MACF1: variants seen among roughly 807,000 people sequenced by gnomAD.
The protein encoded by MACF1 is microtubule actin crosslinking factor 1.
In MACF1, 193 loss-of-function variants were observed where a neutral mutation model predicts 854.8. The observed-to-expected ratio is 0.23, with a 90% CI of 0.20 to 0.25. The LOEUF (loss-of-function observed/expected upper bound fraction) is 0.25, where lower values mean the gene tolerates loss of function less well. Among genes scored for constraint, MACF1 ranks in the 10% least tolerant of loss-of-function variants. The probability of loss-of-function intolerance (pLI) is 1.00; values close to 1 mark genes in which losing one functional copy is unlikely to be tolerated. For missense variants in MACF1, 7,722 were observed against 8,929.1 expected, an observed-to-expected ratio of 0.86 and a Z score of 5.45; for synonymous variants, 3,185 against 3,226.7, an observed-to-expected ratio of 0.99 and a Z score of 0.44.
chr1:39,485,838 C>T lies in MACF1; in HGVS notation c.*44C>T, dbSNP rs190039408. The T allele has an allele frequency of 1.9e-4, 285 of 1,521,588 alleles. No homozygotes were observed. The African/African-American group carries it at 3.0e-3, about 16-fold the overall frequency. The allele number at this position is 1,521,588 out of a possible 1,614,324, so 94.3% of individuals were successfully genotyped here. On this transcript the variant is annotated 3_prime_UTR_variant, in exon 101 of 101. Coordinates refer to ENST00000564288, the MANE Select transcript of MACF1 (RefSeq NM_001394062.1). ...AAGCCACTATCCACTTTGAATCCTG[C>T]TCCATACATTGGGTGTATATTTATT...
chr1:39,256,892 G>GAAA (rs1251607615), intron 5 of MACF1, among the ~76,000 whole-genome samples: 1 of 91,122 alleles, frequency 1.1e-5, no homozygotes, highest in Non-Finnish European at 2.3e-5. Flanking sequence ...AGAACCTTAA[G>GAAA]AAAAAAAAAA....
rs778742542 is a variant in MACF1, at chr1:39,447,785, G to A, written c.19855G>A (p.Val6619Ile). The change falls in exon 82 of 101, where the codon GTT (valine) becomes ATT (isoleucine). Residue 6619 changes from valine (V) to isoleucine (I), a missense_variant. Physicochemically the swap from Val to Ile is conservative, Grantham distance 29. Around this residue, in one of 15 missense-constraint regions of MACF1, gnomAD observed 729 missense variants for 900.5 expected, o/e 0.81. Transcript: ENST00000564288. Reference sequence around the variant, plus strand: ...AAAGTTCCTTAGCCAAAAGCAGGATGTTGTTCTGATCAAGAATTTGTTGGT... The same window carrying A: ...AAAGTTCCTTAGCCAAAAGCAGGATATTGTTCTGATCAAGAATTTGTTGGT... ...QLKFLSQKQD[V>I]VLIKNLLVSV... is the part of the protein sequence containing the mutation. 1 of 1,614,084 alleles carries A rather than the reference G, an allele frequency of 6.2e-7. No homozygotes were observed. The highest frequency in any genetic ancestry group is 8.5e-7 in the Non-Finnish European group (1 of 1,180,014).
chr1:39,422,452 A>C lies in MACF1; in HGVS notation c.15895A>C (p.Ser5299Arg), dbSNP rs774845983. 7.4e-6 allele frequency: 12 copies of C among 1,614,024 alleles called. No individual in the cohort carries two copies. In the Admixed American group the frequency reaches 1.7e-4, roughly 22 times the overall value. Residue 5299 changes from serine to arginine, a missense_variant, in exon 59 of 101, where the codon AGT becomes CGT. Physicochemically the swap from Ser to Arg is moderately radical, Grantham distance 110. This residue lies in a region of MACF1 where 2,807 missense variants were observed against 3,235.8 expected (regional missense o/e 0.87). Transcript: ENST00000564288. ...TGGACTTGGCCAGGGATTAATTCAG[A>C]GTGCAGGAAAAGACTGTGATGTACA... Reference protein sequence around the residue: ...VNGLGQGLIQSAGKDCDVQGL... With the variant: ...VNGLGQGLIQRAGKDCDVQGL...
intron 6 of MACF1, among the ~76,000 whole-genome samples, chr1:39,267,248 T>G (rs1361927994): frequency 6.6e-6 from 1 of 152,212 alleles, no homozygotes; most frequent in Admixed American, 6.5e-5. Context: ...TTTTCTTTTT[T>G]GGAGACAGAG....
At chr1:39,183,318 T>C (rs1644127527) in intron 2 of MACF1, among the ~76,000 whole-genome samples, 1 of 152,224 alleles carries the variant, frequency 6.6e-6, no homozygotes, top group African/African-American at 2.4e-5. Context: ...TAAATATCCA[T>C]TGAATTGTTT....
intron 58 of MACF1, among the ~76,000 whole-genome samples, 169 bp from the exon 59 acceptor site, chr1:39,422,205 A>C (rs965969549): frequency 2.6e-5 from 4 of 152,260 alleles, no homozygotes; most frequent in African/African-American, 9.6e-5. Flanking sequence ...GTATTGAAAT[A>C]CAAAACCACA....
At chr1:39,330,936 G>A (rs1646711807) in intron 36 of MACF1, among the ~76,000 whole-genome samples, 1 of 151,798 alleles carries the variant, frequency 6.6e-6, no homozygotes, top group Non-Finnish European at 1.5e-5. Context: ...TGAGTAGCTG[G>A]GATTACAGGT....
chr1:39,304,329 T>A, intron 23 of MACF1: 1 of 741,094 alleles, frequency 1.3e-6, no homozygotes, highest in Non-Finnish European at 2.4e-6. Context: ...TCACCGTCTC[T>A]AAATAGGAAA....
intron 49 of MACF1, among the ~76,000 whole-genome samples, chr1:39,367,561 G>A (rs1318216509): frequency 6.6e-6 from 1 of 152,086 alleles, no homozygotes; most frequent in African/African-American, 2.4e-5. Flanking sequence ...TTTTATAGAA[G>A]AGACCATGAA....
intron 96 of MACF1, 71 bp from the exon 97 acceptor site, chr1:39,469,476 T>G: frequency 8.5e-7 from 1 of 1,174,734 alleles, no homozygotes; most frequent in Non-Finnish European, 1.2e-6. Context: ...TCTGCCAATT[T>G]GTCTTTCTTG....
At chr1:39,258,523 C>T (rs950963681) in intron 6 of MACF1, among the ~76,000 whole-genome samples, 4 of 152,324 alleles carry the variant, frequency 2.6e-5, no homozygotes, top group Non-Finnish European at 4.4e-5. Context: ...AACCTTGCAG[C>T]GGCCATCACA....
At chr1:39,411,295 A>G (rs1421297980) in intron 58 of MACF1, 1 of 1,613,946 alleles carries the variant, frequency 6.2e-7, no homozygotes, top group Non-Finnish European at 8.5e-7. Context: ...ACTGTCAGAC[A>G]GGGAAAAGAC....
At chr1:39,296,802 A>AAAAGAAAG (rs149623081) in intron 20 of MACF1, among the ~76,000 whole-genome samples, 10 of 93,286 alleles carry the variant, frequency 1.1e-4, no homozygotes, top group South Asian at 3.5e-4. Flanking sequence ...GGAAGGAAGG[A>AAAAGAAAG]AAAGAAAGAA....
intron 2 of MACF1, among the ~76,000 whole-genome samples, chr1:39,171,203 T>TTGTGTGTGTGTGTG (rs147517281): frequency 2.2e-4 from 32 of 146,328 alleles, no homozygotes; most frequent in Admixed American, 6.2e-4. Flanking sequence ...ATCTTTCTGT[T>TTGTGTGTGTGTGTG]TGTGTGTGTG....
chr1:39,413,829 G>C (rs1557640795), intron 58 of MACF1: 1 of 1,604,436 alleles, frequency 6.2e-7, no homozygotes. Flanking sequence ...TTGCAGCTGT[G>C]GTGGCCACCC....
intron 2 of MACF1, among the ~76,000 whole-genome samples, chr1:39,188,325 T>C (rs907801476): frequency 3.3e-5 from 5 of 152,104 alleles, no homozygotes; most frequent in Non-Finnish European, 7.4e-5. Flanking sequence ...GGCAGATTGC[T>C]TGAGCCCCGG....
At chr1:39,092,830 C>G (rs899181909) in intron 2 of MACF1, among the ~76,000 whole-genome samples, 1 of 151,394 alleles carries the variant, frequency 6.6e-6, no homozygotes, top group Non-Finnish European at 1.5e-5. Flanking sequence ...GTTGCCCAGG[C>G]TAGAGTGCTG....
Position 39,437,830 on chromosome 1 carries a change from C to T in MACF1, c.18042C>T (p.Arg6014=), listed in dbSNP as rs1644014923. ...AGACACTGGAGAATCTTTCCTCTCG[C>T]CTGCGTATGCCACCACTGATCCCTG... ...MLETLENLSS[R]LRMPPLIPAE... Residue 6014 remains arginine, a synonymous_variant, in exon 71 of 101, where the codon CGC becomes CGT. Coordinates refer to ENST00000564288, the MANE Select transcript of MACF1 (RefSeq NM_001394062.1). 1.2e-6 allele frequency: 2 copies of T among 1,614,124 alleles called. No individual in the cohort carries two copies. Among genetic ancestry groups the T allele is most frequent in the Non-Finnish European group, 1.7e-6 (2 of 1,180,010 alleles).
intron 2 of MACF1, among the ~76,000 whole-genome samples, chr1:39,104,319 G>C (rs1192234938): frequency 1.3e-5 from 2 of 152,098 alleles, no homozygotes; most frequent in Non-Finnish European, 2.9e-5. Flanking sequence ...ACCGAATGTT[G>C]GATCAAATGA....
Sources: gnomAD v4.1 joint callset for allele counts (sites outside exome capture counted in the v4.1 genomes callset) on GRCh38, gnomAD v4.1.1 for gene constraint, gnomAD v4.1.1 regional missense constraint, MANE v1.5 for transcripts, NCBI Gene and HGNC (gene_info 2026-07-23, HGNC 2026-07-21) for gene names.